ATG10: variants seen among roughly 807,000 people sequenced by gnomAD.
ATG10 encodes the protein autophagy related 10, also known as ubiquitin-like-conjugating enzyme ATG10.
A neutral mutation model predicts 32.1 loss-of-function variants in ATG10; 30 were observed. The observed-to-expected ratio is 0.94, with a 90% CI of 0.70 to 1.27. ATG10 has a LOEUF of 1.27. Among genes scored for constraint, ATG10 ranks in the 50% most tolerant of loss-of-function variants. The pLI is 0.00. For synonymous variants in ATG10, 87 were observed against 91.5 expected, an observed-to-expected ratio of 0.95 and a Z score of 0.28; for missense variants, 233 against 262.3, an observed-to-expected ratio of 0.89 and a Z score of 0.77.
chr5:82,057,162 C>T (rs1385229805), intron 2 of ATG10, among the ~76,000 whole-genome samples: 1 of 152,158 alleles, frequency 6.6e-6, no homozygotes, highest in African/African-American at 2.4e-5. Flanking sequence ...AACAACTAAC[C>T]AGTGCAGCCC....
At chr5:82,069,070 A>G (rs1705516197) in intron 3 of ATG10, among the ~76,000 whole-genome samples, 1 of 152,072 alleles carries the variant, frequency 6.6e-6, no homozygotes, top group Non-Finnish European at 1.5e-5. Flanking sequence ...TATATTTACA[A>G]TTTTATTCCT....
chr5:82,253,497 C>T (rs1001539644), intron 7 of ATG10, 68 bp downstream of exon 7: 21 of 1,087,558 alleles, frequency 1.9e-5, no homozygotes, highest in African/African-American at 3.1e-5. Flanking sequence ...CATTTAGACT[C>T]ATCCCACCAA....
At chr5:82,127,024 C>T (rs1332544933) in intron 3 of ATG10, among the ~76,000 whole-genome samples, 1 of 152,122 alleles carries the variant, frequency 6.6e-6, no homozygotes, top group Non-Finnish European at 1.5e-5. Flanking sequence ...GTGTATTTGT[C>T]TAGGAAATTA....
intron 5 of ATG10, among the ~76,000 whole-genome samples, chr5:82,223,530 A>G (rs1219149655): frequency 6.6e-6 from 1 of 152,212 alleles, no homozygotes; most frequent in Non-Finnish European, 1.5e-5. Flanking sequence ...TTTGCAATCA[A>G]TCACCAATAA....
Position 81,972,073 on chromosome 5 carries a change from G to GCGGACCTGACTGAAGGAGGCCA in ATG10, c.-242_-221dup, listed in dbSNP as rs1303575294. 6.6e-6 allele frequency: 1 copy of GCGGACCTGACTGAAGGAGGCCA among 151,822 alleles called. No homozygotes were observed. Among genetic ancestry groups the GCGGACCTGACTGAAGGAGGCCA allele is most frequent in the African/African-American group, 2.4e-5 (1 of 41,238 alleles). The allele number at this position is 151,822 out of a possible 1,614,324, so 9.4% of individuals were successfully genotyped here. A position where few individuals can be genotyped will look rare whatever the true frequency, so the allele number is the denominator to read the frequency against. Reference sequence around the variant, plus strand: ...GTGGCGGACCTGACTGAAGGAGGCCGCGGACCTGACTGAAGGAGGCCACGG... The same window carrying GCGGACCTGACTGAAGGAGGCCA: ...GTGGCGGACCTGACTGAAGGAGGCCGCGGACCTGACTGAAGGAGGCCACGGACCTGACTGAAGGAGGCCACGG... On this transcript the variant is annotated 5_prime_UTR_variant, in exon 1 of 8. Coordinates refer to ENST00000282185, the MANE Select transcript of ATG10 (RefSeq NM_031482.5).
intron 1 of ATG10, among the ~76,000 whole-genome samples, chr5:81,984,042 T>C (rs1464763473): frequency 6.6e-6 from 1 of 152,224 alleles, no homozygotes; most frequent in African/African-American, 2.4e-5. Flanking sequence ...AGGCAGAGGC[T>C]GCAATCTCGG....
chr5:82,022,198 A>AG (rs1762461430), intron 2 of ATG10, among the ~76,000 whole-genome samples: 1 of 151,878 alleles, frequency 6.6e-6, no homozygotes, highest in East Asian at 1.9e-4. Flanking sequence ...CAAAAAAAAA[A>AG]AAATTTTATC....
At chr5:81,988,187 AG>A (rs1761345605) in intron 2 of ATG10, among the ~76,000 whole-genome samples, 1 of 152,188 alleles carries the variant, frequency 6.6e-6, no homozygotes, top group Non-Finnish European at 1.5e-5. Flanking sequence ...CCCACGCTGG[AG>A]TGCAGTGGCA....
chr5:82,087,606 G>A (rs1764735170), intron 3 of ATG10, among the ~76,000 whole-genome samples: 2 of 152,090 alleles, frequency 1.3e-5, no homozygotes, highest in Admixed American at 6.6e-5. Flanking sequence ...ATGTGCTGGT[G>A]ATATAGTGGT....
chr5:82,212,873 C>T (rs1189805680), intron 5 of ATG10, among the ~76,000 whole-genome samples: 1 of 152,158 alleles, frequency 6.6e-6, no homozygotes, highest in Non-Finnish European at 1.5e-5. Flanking sequence ...GTGGTTCTAT[C>T]CAGTTCCATG....
In ATG10 at chr5:82,174,088, T is replaced by A. The variant is rs1044257234; in HGVS notation, c.356-4402T>A. 2.6e-5 allele frequency among the ~76,000 whole-genome samples: 4 copies of A among 152,228 alleles called. No individual in the cohort carries two copies. In the East Asian group the frequency reaches 7.7e-4, roughly 29 times the overall value. On this transcript the variant is annotated intron_variant, in intron 4 of 7. Transcript: ENST00000282185. ...ATAATTAGTCACGATCATATTTGAA[T>A]GCATTTTAGATATTAATAATGTATG...
intron 3 of ATG10, chr5:82,078,549 G>A (rs1764354964): frequency 6.6e-6 from 1 of 152,126 alleles, no homozygotes; most frequent in Admixed American, 6.6e-5. Context: ...TGCTAAGTTT[G>A]GCATCAATAT....
At chr5:82,215,895 A>T (rs1489497251) in intron 5 of ATG10, among the ~76,000 whole-genome samples, 1 of 151,572 alleles carries the variant, frequency 6.6e-6, no homozygotes, top group Non-Finnish European at 1.5e-5. Context: ...AGATCGCCCC[A>T]CTGCACTCCA....
intron 2 of ATG10, among the ~76,000 whole-genome samples, chr5:82,005,529 G>A (rs1419085128): frequency 1.3e-5 from 2 of 152,068 alleles, no homozygotes; most frequent in Non-Finnish European, 2.9e-5. Context: ...TCCTGACCTC[G>A]GGTGATCCGC....
intron 5 of ATG10, among the ~76,000 whole-genome samples, chr5:82,249,095 C>A (rs1747141639): frequency 6.6e-6 from 1 of 152,014 alleles, no homozygotes; most frequent in African/African-American, 2.4e-5. Context: ...ACCTTAAATG[C>A]TAATATGACT....
intron 3 of ATG10, among the ~76,000 whole-genome samples, chr5:82,075,352 A>G (rs1764242733): frequency 6.6e-6 from 1 of 152,200 alleles, no homozygotes; most frequent in Admixed American, 6.5e-5. Flanking sequence ...AGAGAAATCA[A>G]AGGCTATTTT....
intron 2 of ATG10, among the ~76,000 whole-genome samples, chr5:82,034,289 C>T (rs1482320596): frequency 6.6e-6 from 1 of 152,112 alleles, no homozygotes; most frequent in South Asian, 2.1e-4. Context: ...AAGACAAAAA[C>T]CCAGTGTTAC....
At chr5:82,184,368 T>C (rs1232140980) in intron 5 of ATG10, among the ~76,000 whole-genome samples, 1 of 152,204 alleles carries the variant, frequency 6.6e-6, no homozygotes, top group East Asian at 1.9e-4. Context: ...CATTATTATT[T>C]TTTCCAGGTA....
At chr5:82,194,208 T>C (rs1027184694) in intron 5 of ATG10, among the ~76,000 whole-genome samples, 2 of 152,042 alleles carry the variant, frequency 1.3e-5, no homozygotes, top group Non-Finnish European at 2.9e-5. Flanking sequence ...AGGGACACAT[T>C]TGGAAGAAGC....
Sources: gnomAD v4.1 joint callset for allele counts (sites outside exome capture counted in the v4.1 genomes callset) on GRCh38, gnomAD v4.1.1 for gene constraint, MANE v1.5 for transcripts, NCBI Gene and HGNC (gene_info 2026-07-23, HGNC 2026-07-21) for gene names.